Variants in BEND4 observed in about 807,000 individuals in gnomAD.
The protein encoded by BEND4 is BEN domain-containing protein 4.
Under a neutral mutation model 54.7 loss-of-function variants are expected in BEND4, and 27 were observed. That is an observed-to-expected ratio of 0.49 (90% confidence interval 0.36 to 0.68). The LOEUF (loss-of-function observed/expected upper bound fraction) is 0.68, where lower values mean the gene tolerates loss of function less well. Ranked by LOEUF, BEND4 falls within the 30% of genes least tolerant of loss-of-function variation. BEND4 has a pLI of 0.00. For synonymous variants in BEND4, 327 were observed against 299.5 expected, an observed-to-expected ratio of 1.09 and a Z score of -0.95; for missense variants, 702 against 697.2, an observed-to-expected ratio of 1.01 and a Z score of -0.08.
At chr4:42,129,548 G>A (rs1221456803) in intron 3 of BEND4, among the ~76,000 whole-genome samples, 1 of 152,070 alleles carries the variant, frequency 6.6e-6, no homozygotes, top group Non-Finnish European at 1.5e-5. Context: ...CAGACACACA[G>A]ACCAATGGAA....
rs1278922933 is a variant in BEND4, at chr4:42,113,460, C to A, written c.*4058G>T. On this transcript the variant is annotated 3_prime_UTR_variant, in exon 6 of 6. Transcript: ENST00000502486. The stretch of plus-strand genomic sequence containing the variant: ...ACATATAGTGCACGTTTCATCTTTA[C>A]CTGATCTCCATCTGTTTTCTGAGAG... 6.6e-6 allele frequency: 1 copy of A among 152,150 alleles called. No homozygotes were observed. The highest frequency in any genetic ancestry group is 2.4e-5 in the African/African-American group (1 of 41,418). 9.4% of individuals were successfully genotyped at this position (152,150 alleles called of 1,614,324 possible). A position where few individuals can be genotyped will look rare whatever the true frequency, so the allele number is the denominator to read the frequency against.
chr4:42,140,051 T>C (rs1720831052), intron 3 of BEND4, among the ~76,000 whole-genome samples: 1 of 152,242 alleles, frequency 6.6e-6, no homozygotes, highest in South Asian at 2.1e-4. Flanking sequence ...ACTCACAGGC[T>C]AGTTTATTGT....
chr4:42,130,297 G>A (rs939630780), intron 3 of BEND4, among the ~76,000 whole-genome samples: 28 of 151,918 alleles, frequency 1.8e-4, no homozygotes, highest in Admixed American at 2.0e-4. Flanking sequence ...CAGCTAACAC[G>A]GTGAAACCCC....
At position 42,152,649 on chromosome 4, in the gene BEND4, C is replaced by G. The variant is rs1324588238; in HGVS notation, c.-351G>C. On this transcript the variant is annotated 5_prime_UTR_variant, in exon 1 of 6. Transcript: ENST00000502486. ...TGCGGCTGCGGGCGGGGTCCGGCTT[C>G]CGAAACGAGCTCGTGGCGCCCCCTG... 1.3e-5 allele frequency: 2 copies of G among 154,154 alleles called. No individual in the cohort carries two copies. Among genetic ancestry groups the G allele is most frequent in the African/African-American group, 2.4e-5 (1 of 41,406 alleles). The allele number at this position is 154,154 out of a possible 1,614,324, so 9.5% of individuals were successfully genotyped here.
Position 42,138,560 on chromosome 4 carries a change from C to T in BEND4, c.1054+4868G>A, listed in dbSNP as rs767476323. Among the ~76,000 whole-genome samples the T allele has an allele frequency of 9.9e-5, 15 of 152,186 alleles. No individual in the cohort carries two copies. The South Asian group carries it at 2.1e-3, about 21-fold the overall frequency. On this transcript the variant is annotated intron_variant, in intron 3 of 5. Transcript: ENST00000502486. ...GTACCGTACTTGAGATTAAGGCTATCGAACAGATTGTAGCAGCTCTTGCTA... is the reference window on the plus strand; with the variant it reads ...GTACCGTACTTGAGATTAAGGCTATTGAACAGATTGTAGCAGCTCTTGCTA...
intron 4 of BEND4, among the ~76,000 whole-genome samples, chr4:42,123,063 A>G (rs1320895138): frequency 6.6e-6 from 1 of 152,240 alleles, no homozygotes; most frequent in East Asian, 1.9e-4. Context: ...CATAAAATGT[A>G]GGAATACCAT....
rs1028356119 is a variant in BEND4, at chr4:42,151,972, G to T, written c.172C>A (p.Pro58Thr). ...GCGTGCGGCGCGAAGGGCGGCGGGG[G>T]CGGCGGGGGCGCCCGCACGTGCGGC... ...ELPHVRAPPPPPPPFAPHAAV... is the reference protein window; with the variant it reads ...ELPHVRAPPPTPPPFAPHAAV... Residue 58 changes from proline (P) to threonine (T), a missense_variant, in exon 2 of 6, where the codon CCC (proline) becomes ACC (threonine). Coordinates refer to ENST00000502486, the MANE Select transcript of BEND4 (RefSeq NM_207406.4). The T allele has an allele frequency of 7.2e-6, 9 of 1,251,514 alleles. No individual in the cohort carries two copies. Among genetic ancestry groups the T allele is most frequent in the Non-Finnish European group, 9.1e-6 (9 of 994,118 alleles). The allele number at this position is 1,251,514 out of a possible 1,614,324, so 77.5% of individuals were successfully genotyped here.
chr4:42,152,135 T>C lies in BEND4; in HGVS notation c.9A>G (p.Glu3=). ...GCCCCTCCTCTGCCGGCTGCATCTC[T>C]TCCTCCATCCGGCGCCTCGGGGCCG... ME[E]EMQPAEEGPS... is the part of the protein sequence containing the mutation. Residue 3 remains glutamate, a synonymous_variant, in exon 2 of 6, where the codon GAA becomes GAG. Transcript: ENST00000502486. 8.0e-7 allele frequency: 1 copy of C among 1,242,726 alleles called. No homozygotes were observed. Among genetic ancestry groups the C allele is most frequent in the Non-Finnish European group, 1.0e-6 (1 of 984,584 alleles). 77.0% of individuals were successfully genotyped at this position (1,242,726 alleles called of 1,614,324 possible).
chr4:42,122,913 C>T (rs1195314857), intron 4 of BEND4, among the ~76,000 whole-genome samples: 2 of 152,164 alleles, frequency 1.3e-5, no homozygotes, highest in Non-Finnish European at 2.9e-5. Flanking sequence ...GTAAGCGATG[C>T]TTTGCTGTGC....
chr4:42,150,204 G>A (rs1721215582), intron 2 of BEND4, among the ~76,000 whole-genome samples: 2 of 151,912 alleles, frequency 1.3e-5, no homozygotes, highest in South Asian at 2.1e-4. Context: ...CTTAAGAAGG[G>A]GGGAAAAAGA....
At chr4:42,128,729 C>A (rs1473388928) in intron 3 of BEND4, among the ~76,000 whole-genome samples, 1 of 151,372 alleles carries the variant, frequency 6.6e-6, no homozygotes, top group Non-Finnish European at 1.5e-5. Context: ...GCCCGTAATC[C>A]CAGCACTTTG....
intron 3 of BEND4, 36 bp from the exon 4 acceptor site, chr4:42,125,710 T>C: frequency 7.5e-7 from 1 of 1,331,694 alleles, no homozygotes; most frequent in Non-Finnish European, 1.0e-6. Context: ...ACACATTGGC[T>C]ATCCCGTAAC....
chr4:42,133,581 G>A (rs570011938), intron 3 of BEND4, among the ~76,000 whole-genome samples: 12 of 152,306 alleles, frequency 7.9e-5, no homozygotes, highest in African/African-American at 2.4e-4. Flanking sequence ...TGGGCGAGGC[G>A]CCGTGGCTCA....
intron 2 of BEND4, among the ~76,000 whole-genome samples, chr4:42,145,624 A>C (rs1185631260): frequency 6.6e-6 from 1 of 151,384 alleles, no homozygotes; most frequent in Non-Finnish European, 1.5e-5. Context: ...CCCAGAAGAC[A>C]GAGGTTGCAG....
Position 42,152,312 on chromosome 4 carries a change from T to A in BEND4, c.-169A>T. The A allele has an allele frequency of 1.8e-6, 1 of 551,318 alleles. No individual in the cohort carries two copies. The highest frequency in any genetic ancestry group is 2.6e-6 in the Non-Finnish European group (1 of 378,268). 34.2% of individuals were successfully genotyped at this position (551,318 alleles called of 1,614,324 possible). A position where few individuals can be genotyped will look rare whatever the true frequency, so the allele number is the denominator to read the frequency against. On this transcript the variant is annotated 5_prime_UTR_variant, in exon 2 of 6. It removes an upstream start codon present in the reference 5' UTR. Transcript: ENST00000502486. ...CCGCCGCCTGTCGCTGAGGCTGGCA[T>A]CGCCGAGCCCCCGCGCGGGGGGCTG...
chr4:42,116,823 T>C lies in BEND4; in HGVS notation c.*695A>G, dbSNP rs1246908273. 6.6e-6 allele frequency: 1 copy of C among 152,214 alleles called. No homozygotes were observed. Among genetic ancestry groups the C allele is most frequent in the African/African-American group, 2.4e-5 (1 of 41,460 alleles). 9.4% of individuals were successfully genotyped at this position (152,214 alleles called of 1,614,324 possible). On this transcript the variant is annotated 3_prime_UTR_variant, in exon 6 of 6. Coordinates refer to ENST00000502486, the MANE Select transcript of BEND4 (RefSeq NM_207406.4). ...AGCATTTGAAAATGGTTTTGGATCT[T>C]TGGATGTTTCTTGACTAACAATGAA...
At chr4:42,148,894 G>A (rs1721163926) in intron 2 of BEND4, among the ~76,000 whole-genome samples, 1 of 152,062 alleles carries the variant, frequency 6.6e-6, no homozygotes, top group African/African-American at 2.4e-5. Flanking sequence ...TTAAAACCAT[G>A]GTGTATTACC....
rs148354314 is a variant in BEND4 at position 42,150,587 on chromosome 4, G to A, written c.487+1070C>T. 3.3e-5 allele frequency among the ~76,000 whole-genome samples: 5 copies of A among 152,358 alleles called. No individual in the cohort carries two copies. The East Asian group carries it at 7.7e-4, about 24-fold the overall frequency. On this transcript the variant is annotated intron_variant, in intron 2 of 5. Transcript: ENST00000502486. ...CATGCAGGATTTGGGGGGCTTCAAA[G>A]TGCCATAAAAGGCCTTGGCAGGAAC...
chr4:42,141,520 T>G (rs1720879540), intron 3 of BEND4, among the ~76,000 whole-genome samples: 1 of 152,046 alleles, frequency 6.6e-6, no homozygotes, highest in African/African-American at 2.4e-5. Context: ...TCACCTGAAG[T>G]CAGGAGTTCG....
Sources: allele counts gnomAD v4.1 joint callset (sites outside exome capture counted in the v4.1 genomes callset), GRCh38; gene constraint gnomAD v4.1.1; transcripts MANE v1.5; gene names NCBI Gene and HGNC (gene_info 2026-07-23, HGNC 2026-07-21).